Variants in POGLUT3 observed in about 807,000 individuals in gnomAD.
POGLUT3 encodes protein O-glucosyltransferase 3, also known as KDEL (Lys-Asp-Glu-Leu) containing 2.
In POGLUT3, 48 loss-of-function variants were observed where a neutral mutation model predicts 54.3. The ratio of observed to expected loss-of-function variants is 0.88; its 90% CI spans 0.70 to 1.12. The LOEUF (loss-of-function observed/expected upper bound fraction) is 1.12. Ranked by LOEUF, POGLUT3 falls within the 50% of genes most tolerant of loss-of-function variation. The probability of loss-of-function intolerance (pLI) is 0.00; values close to 1 mark genes in which losing one functional copy is unlikely to be tolerated. For missense variants in POGLUT3, 629 were observed against 618.7 expected (o/e 1.02, Z -0.18); for synonymous variants, 218 against 237.4 (o/e 0.92, Z 0.75).
intron 1 of POGLUT3, among the ~76,000 whole-genome samples, chr11:108,492,966 T>C (rs1017050480): frequency 3.4e-4 from 51 of 152,234 alleles, no homozygotes; most frequent in African/African-American, 1.2e-3. Context: ...TGGAAAGCCA[T>C]TTTCATTGCT....
At chr11:108,477,399 A>AAAAC (rs970498035) in intron 7 of POGLUT3, among the ~76,000 whole-genome samples, 1 of 152,136 alleles carries the variant, frequency 6.6e-6, no homozygotes, top group Non-Finnish European at 1.5e-5. Context: ...ACTTCATCTC[A>AAAAC]AAACAAACAA....
chr11:108,478,391 G>A (rs576551713), intron 6 of POGLUT3, among the ~76,000 whole-genome samples: 6 of 152,190 alleles, frequency 3.9e-5, no homozygotes, highest in African/African-American at 1.2e-4. Flanking sequence ...TTCAGCTTCC[G>A]CATCTGTCCC....
At chr11:108,477,268 G>A (rs2093583675) in intron 7 of POGLUT3, among the ~76,000 whole-genome samples, 1 of 152,124 alleles carries the variant, frequency 6.6e-6, no homozygotes, top group African/African-American at 2.4e-5. Flanking sequence ...TGGGCATGGT[G>A]GCGTGTACCT....
chr11:108,493,234 G>T (rs1170276167), intron 1 of POGLUT3, among the ~76,000 whole-genome samples: 1 of 152,046 alleles, frequency 6.6e-6, no homozygotes, highest in Non-Finnish European at 1.5e-5. Context: ...TCATTTAAAA[G>T]TTACATTTCA....
intron 2 of POGLUT3, among the ~76,000 whole-genome samples, chr11:108,489,253 A>G (rs1178995320): frequency 6.6e-6 from 1 of 152,236 alleles, no homozygotes; most frequent in Non-Finnish European, 1.5e-5. Context: ...AGCCCAATAT[A>G]TGGGTAATTA....
rs2135850662 is a variant in POGLUT3, at chr11:108,481,394, T to C, written c.902-18A>G. ...GGAAGGCCCTACAAGTTTGAAGCCATAAAAAAATTAGGATTATGAATTTGA... is the reference window on the plus strand; with the variant it reads ...GGAAGGCCCTACAAGTTTGAAGCCACAAAAAAATTAGGATTATGAATTTGA... On this transcript the variant is annotated intron_variant, in intron 4 of 7. Coordinates refer to ENST00000323468, the MANE Select transcript of POGLUT3 (RefSeq NM_153705.5). 6 of 1,539,260 alleles carry C rather than the reference T, an allele frequency of 3.9e-6. No homozygotes were observed. The highest frequency in any genetic ancestry group is 5.2e-6 in the Non-Finnish European group (6 of 1,149,818).
In POGLUT3 at chr11:108,481,297, C is replaced by T; in HGVS notation, c.981G>A (p.Gln327=). Residue 327 remains glutamine (Q), a synonymous_variant, in exon 5 of 8, where the codon CAG becomes CAA. Transcript: ENST00000323468. ...DSREERLQLV[Q]LSKENPQLLD... ...GTAGCTGAGGATTTTCTTTGGACAG[C>T]TGTACCAACTGGAGCCTCTCCTCTC... 1 of 1,613,136 alleles carries T rather than the reference C, an allele frequency of 6.2e-7. No homozygotes were observed. Among genetic ancestry groups the T allele is most frequent in the Middle Eastern group, 1.7e-4 (1 of 6,060 alleles).
intron 1 of POGLUT3, 108 bp from the exon 2 acceptor site, chr11:108,491,275 T>C: frequency 2.4e-6 from 2 of 847,466 alleles, no homozygotes; most frequent in South Asian, 3.2e-5. Context: ...TCCTGCAGCA[T>C]TGGTGGTTAA....
At chr11:108,489,036 G>T (rs1213739753) in intron 2 of POGLUT3, among the ~76,000 whole-genome samples, 1 of 152,138 alleles carries the variant, frequency 6.6e-6, no homozygotes, top group African/African-American at 2.4e-5. Flanking sequence ...CTATTTCCCA[G>T]TGATTTAACT....
intron 4 of POGLUT3, 126 bp from the exon 5 acceptor site, chr11:108,481,502 A>T: frequency 2.8e-6 from 2 of 707,824 alleles, no homozygotes; most frequent in Non-Finnish European, 4.2e-6. Context: ...CTCATCTTCT[A>T]AAGTAGATGT....
chr11:108,493,803 C>T (rs76541034), intron 1 of POGLUT3, among the ~76,000 whole-genome samples: 1 of 82,066 alleles, frequency 1.2e-5, no homozygotes, highest in African/African-American at 4.4e-5. Context: ...GACTCTGTCT[C>T]AAAAAAAAAA....
At chr11:108,479,524 A>G in intron 5 of POGLUT3, 29 bp from the exon 6 acceptor site, 1 of 1,525,830 alleles carries the variant, frequency 6.6e-7, no homozygotes, top group East Asian at 2.3e-5. Flanking sequence ...ACATAAACAA[A>G]CTTTCAGTAG....
intron 1 of POGLUT3, among the ~76,000 whole-genome samples, chr11:108,495,580 T>A (rs941868349): frequency 6.6e-6 from 1 of 152,178 alleles, no homozygotes; most frequent in African/African-American, 2.4e-5. Flanking sequence ...CCTTTTTAAC[T>A]GGAAGCCAGA....
rs959932339 is a variant in POGLUT3 at position 108,473,711 on chromosome 11, C to T, written c.*1116G>A. ...AAAATAATGAATGCCTTTCACCTGA[C>T]TACAGTTATCTTTCACCTATTCAAT... On this transcript the variant is annotated 3_prime_UTR_variant, in exon 8 of 8. Coordinates refer to ENST00000323468, the MANE Select transcript of POGLUT3 (RefSeq NM_153705.5). The T allele has an allele frequency of 6.6e-6, 1 of 152,148 alleles. No individual in the cohort carries two copies. Among genetic ancestry groups the T allele is most frequent in the Non-Finnish European group, 1.5e-5 (1 of 68,038 alleles). The allele number at this position is 152,148 out of a possible 1,614,324, so 9.4% of individuals were successfully genotyped here.
chr11:108,493,372 A>G (rs1022917226), intron 1 of POGLUT3, among the ~76,000 whole-genome samples: 1 of 152,224 alleles, frequency 6.6e-6, no homozygotes, highest in African/African-American at 2.4e-5. Flanking sequence ...TCAATGCAAG[A>G]TAATATGGAT....
At chr11:108,477,777 G>C in intron 6 of POGLUT3, 66 bp from the exon 7 acceptor site, 2 of 990,284 alleles carry the variant, frequency 2.0e-6, no homozygotes, top group Non-Finnish European at 3.3e-6. Flanking sequence ...AGAGGGTTAA[G>C]TGTGAGGTGG....
In POGLUT3 at chr11:108,486,589, G is replaced by T. The variant is rs2093603871; in HGVS notation, c.401-149C>A. On this transcript the variant is annotated intron_variant, in intron 2 of 7. Transcript: ENST00000323468. ...ATCAGTGGTGTAAGTGATTATGTTAGAGTCCTACACTTTTACTTTCCTTTT... is the reference window on the plus strand; with the variant it reads ...ATCAGTGGTGTAAGTGATTATGTTATAGTCCTACACTTTTACTTTCCTTTT... 8 of 757,756 alleles carry T rather than the reference G, an allele frequency of 1.1e-5. No individual in the cohort carries two copies. The Admixed American group carries it at 2.0e-4, about 19-fold the overall frequency. The allele number at this position is 757,756 out of a possible 1,614,324, so 46.9% of individuals were successfully genotyped here. A position where few individuals can be genotyped will look rare whatever the true frequency, so the allele number is the denominator to read the frequency against.
At chr11:108,492,248 C>T (rs2093614669) in intron 1 of POGLUT3, among the ~76,000 whole-genome samples, 1 of 152,192 alleles carries the variant, frequency 6.6e-6, no homozygotes. Flanking sequence ...AACTATTCAA[C>T]AAACTTTCCC....
At chr11:108,474,978 GA>G (rs1200055276) in intron 7 of POGLUT3, 26 bp from the exon 8 acceptor site, 1 of 1,612,188 alleles carries the variant, frequency 6.2e-7, no homozygotes, top group Non-Finnish European at 8.5e-7. Flanking sequence ...AAAGGGAACT[GA>G]AAGGTTAGTT....
Sources: allele counts gnomAD v4.1 joint callset (sites outside exome capture counted in the v4.1 genomes callset), GRCh38; gene constraint gnomAD v4.1.1; transcripts MANE v1.5; gene names NCBI Gene and HGNC (gene_info 2026-07-23, HGNC 2026-07-21).